Variants in NPEPPS observed in about 807,000 individuals in gnomAD.
NPEPPS encodes puromycin-sensitive aminopeptidase.
NPEPPS carries 14 observed loss-of-function variants against 115.5 expected under a neutral mutation model. The observed-to-expected ratio is 0.12, with a 90% confidence interval of 0.08 to 0.19. The LOEUF (loss-of-function observed/expected upper bound fraction) is 0.19. NPEPPS is among the 10% of genes least tolerant of loss of function. The pLI, the probability that NPEPPS is intolerant of heterozygous loss-of-function variation, is 1.00. For missense variants in NPEPPS, 523 were observed against 1,110.8 expected (o/e 0.47, Z 7.52); for synonymous variants, 285 against 390.6 (o/e 0.73, Z 3.19).
intron 4 of NPEPPS, chr17:47,580,186 C>G (rs1164785150): frequency 6.6e-6 from 1 of 151,986 alleles, no homozygotes; most frequent in Non-Finnish European, 1.5e-5. Flanking sequence ...ATATTGTTTG[C>G]TTGTTTGGGA....
intron 17 of NPEPPS, among the ~76,000 whole-genome samples, chr17:47,612,230 C>T (rs746932064): frequency 1.3e-5 from 2 of 152,106 alleles, no homozygotes; most frequent in African/African-American, 4.8e-5. Context: ...AGTTTGCATT[C>T]GTGACTGTAG....
chr17:47,562,074 A>C (rs1240848677), intron 2 of NPEPPS, among the ~76,000 whole-genome samples: 1 of 152,234 alleles, frequency 6.6e-6, no homozygotes, highest in Non-Finnish European at 1.5e-5. Context: ...ACCCCTTCCC[A>C]CATGCCTTGT....
chr17:47,578,927 C>T (rs1911696416), intron 3 of NPEPPS, among the ~76,000 whole-genome samples: 1 of 152,174 alleles, frequency 6.6e-6, no homozygotes, highest in African/African-American at 2.4e-5. Flanking sequence ...AACATTTTAT[C>T]CCATTCTCAC....
intron 5 of NPEPPS, among the ~76,000 whole-genome samples, chr17:47,583,063 G>A (rs1337007236): frequency 2.7e-5 from 4 of 148,032 alleles, no homozygotes; most frequent in African/African-American, 1.0e-4. Flanking sequence ...GCCCAGGCTG[G>A]TCTCAAACTC....
chr17:47,530,931 C>A (rs1350092302), upstream of NPEPPS: 4 of 151,490 alleles, frequency 2.6e-5, no homozygotes, highest in South Asian at 6.2e-4. Context: ...CAGTCCTGAG[C>A]GGCGCCGACA....
intron 2 of NPEPPS, among the ~76,000 whole-genome samples, chr17:47,561,877 A>C (rs1209179350): frequency 1.3e-5 from 2 of 152,234 alleles, no homozygotes; most frequent in African/African-American, 4.8e-5. Flanking sequence ...AGACCTTGCT[A>C]GGTTTCACCA....
intron 2 of NPEPPS, among the ~76,000 whole-genome samples, chr17:47,547,800 G>A (rs1040365352): frequency 6.6e-6 from 1 of 152,176 alleles, no homozygotes; most frequent in Non-Finnish European, 1.5e-5. Context: ...GCCGAGGCGG[G>A]TGGATCACAA....
At chr17:47,600,185 G>A (rs997524896) in intron 14 of NPEPPS, among the ~76,000 whole-genome samples, 13 of 152,148 alleles carry the variant, frequency 8.5e-5, no homozygotes, top group Non-Finnish European at 1.5e-4. Context: ...TGTAGTCTCA[G>A]TACATTGGGA....
At chr17:47,621,622 C>G (rs1399529326) in intron 22 of NPEPPS, 146 bp from the exon 23 acceptor site, 28 of 668,558 alleles carry the variant, frequency 4.2e-5, no homozygotes, top group African/African-American at 3.6e-5. Flanking sequence ...TGCTTGTTTT[C>G]TTTTAGCCTG....
chr17:47,573,037 A>G (rs1417315547), intron 3 of NPEPPS, among the ~76,000 whole-genome samples: 1 of 152,156 alleles, frequency 6.6e-6, no homozygotes, highest in Admixed American at 6.6e-5. Flanking sequence ...CGGCCTCTCA[A>G]AGTGCTAGGA....
intron 2 of NPEPPS, among the ~76,000 whole-genome samples, chr17:47,562,585 T>C: frequency 6.7e-6 from 1 of 149,992 alleles, no homozygotes; most frequent in East Asian, 2.0e-4. Flanking sequence ...AGTATTAATG[T>C]AGGAAGGCTT....
Position 47,531,193 on chromosome 17 carries a change from T to C in NPEPPS, c.-108T>C. ...TCCCCGTAGGCAGCCCGCCCGCCAG[T>C]CCGCCCGCACCGCCTCCTTCCCAGC... On this transcript the variant is annotated 5_prime_UTR_variant, in exon 1 of 23. Coordinates refer to ENST00000322157, the MANE Select transcript of NPEPPS (RefSeq NM_006310.4). 1 of 1,052,106 alleles carries C rather than the reference T, an allele frequency of 9.5e-7. No homozygotes were observed. The highest frequency in any genetic ancestry group is 9.8e-5 in the East Asian group (1 of 10,204). 65.2% of individuals were successfully genotyped at this position (1,052,106 alleles called of 1,614,324 possible). A position where few individuals can be genotyped will look rare whatever the true frequency, so the allele number is the denominator to read the frequency against.
At position 47,551,999 on chromosome 17, in the gene NPEPPS, G is replaced by A. The variant is rs1400187012; in HGVS notation, c.340+6006G>A. The stretch of plus-strand genomic sequence containing the variant: ...TTTTTTTCTTTTTTTTTTGAGACAG[G>A]TCTTTCTCTGTCATCCAGGCTGGAA... On this transcript the variant is annotated intron_variant, in intron 2 of 22. Transcript: ENST00000322157. 1.3e-4 allele frequency among the ~76,000 whole-genome samples: 16 copies of A among 120,126 alleles called. No individual in the cohort carries two copies. In the East Asian group the frequency reaches 2.6e-3, roughly 20 times the overall value. 78.8% of individuals were successfully genotyped at this position (120,126 alleles called of 152,430 possible).
At chr17:47,572,808 C>T (rs1295047255) in intron 3 of NPEPPS, among the ~76,000 whole-genome samples, 1 of 152,198 alleles carries the variant, frequency 6.6e-6, no homozygotes, top group Non-Finnish European at 1.5e-5. Flanking sequence ...CAGAATCTTG[C>T]TCTGTCACCC....
intron 4 of NPEPPS, 130 bp downstream of exon 4, chr17:47,579,641 A>T: frequency 1.6e-6 from 1 of 629,824 alleles, no homozygotes; most frequent in Non-Finnish European, 2.7e-6. Flanking sequence ...CAATTTTAGA[A>T]TTTTTATTTT....
chr17:47,575,753 T>C (rs112678014), intron 3 of NPEPPS, among the ~76,000 whole-genome samples: 29 of 152,068 alleles, frequency 1.9e-4, no homozygotes, highest in East Asian at 3.9e-4. Flanking sequence ...TACAGGTGCC[T>C]GCCACCACGC....
intron 2 of NPEPPS, among the ~76,000 whole-genome samples, chr17:47,547,043 T>G (rs949793552): frequency 2.0e-5 from 3 of 152,182 alleles, no homozygotes; most frequent in African/African-American, 7.2e-5. Flanking sequence ...GTACTGTAGT[T>G]TAAAATTGAG....
intron 1 of NPEPPS, among the ~76,000 whole-genome samples, chr17:47,538,202 CTTTTTTTTTTTTTTT>C (rs543559258): frequency 1.7e-5 from 1 of 58,498 alleles, no homozygotes; most frequent in East Asian, 6.4e-4. Flanking sequence ...CATATCTGTT[CTTTTTTTTTTTTTTT>C]TTTTTTTTGA....
chr17:47,562,607 A>AGTGTGT (rs4060776), intron 2 of NPEPPS, among the ~76,000 whole-genome samples: 33 of 147,380 alleles, frequency 2.2e-4, no homozygotes, highest in African/African-American at 5.5e-4. Flanking sequence ...TTTGATGCAG[A>AGTGTGT]GTGTGTGTGT....
Sources: gnomAD v4.1 joint callset for allele counts (sites outside exome capture counted in the v4.1 genomes callset) on GRCh38, gnomAD v4.1.1 for gene constraint, MANE v1.5 for transcripts, NCBI Gene and HGNC (gene_info 2026-07-23, HGNC 2026-07-21) for gene names.